CBL: variants seen among roughly 807,000 people sequenced by gnomAD.
The protein encoded by CBL is Cbl proto-oncogene.
Under a neutral mutation model 96.9 loss-of-function variants are expected in CBL, and 45 were observed. The observed-to-expected ratio is 0.46, with a 90% CI of 0.37 to 0.60. The LOEUF (loss-of-function observed/expected upper bound fraction) is 0.60, where lower values mean the gene tolerates loss of function less well. Ranked by LOEUF, CBL falls within the 20% of genes least tolerant of loss-of-function variation. CBL has a pLI of 0.00. For synonymous variants in CBL, 420 were observed against 426.8 expected, an observed-to-expected ratio of 0.98 and a Z score of 0.20; for missense variants, 1,024 against 1,143.5, an observed-to-expected ratio of 0.90 and a Z score of 1.51.
chr11:119,291,970 C>A (rs903656491), intron 12 of CBL, among the ~76,000 whole-genome samples: 1 of 152,120 alleles, frequency 6.6e-6, no homozygotes, highest in African/African-American at 2.4e-5. Flanking sequence ...AGTTCTCCCA[C>A]CTCAGCCAAG....
rs182249063 is a variant in CBL at position 119,245,844 on chromosome 11, G to A, written c.443+13149G>A. ...ATTTTTAAATTTTTTTGTGGAGATG[G>A]GATCTCACTATGTTGCCCGGGCTGG... is the stretch of plus-strand genomic sequence containing the variant. On this transcript the variant is annotated intron_variant, in intron 2 of 15. Transcript: ENST00000264033. Among the ~76,000 whole-genome samples the A allele has an allele frequency of 5.9e-3, 903 of 151,914 alleles. 11 individuals carry two copies. Among genetic ancestry groups the A allele is most frequent in the Non-Finnish European group, 5.5e-3 (373 of 67,964 alleles).
At chr11:119,222,857 CA>C (rs1322446257) in intron 1 of CBL, among the ~76,000 whole-genome samples, 1 of 151,586 alleles carries the variant, frequency 6.6e-6, no homozygotes, top group Non-Finnish European at 1.5e-5. Context: ...TTTTCCTTTC[CA>C]AAGAATATTA....
In CBL at chr11:119,287,182, G is replaced by A. The variant is rs970995669; in HGVS notation, c.1942-670G>A. Among the ~76,000 whole-genome samples, 7 of 152,330 alleles carry A rather than the reference G, an allele frequency of 4.6e-5. No individual in the cohort carries two copies. In the East Asian group the frequency reaches 5.8e-4, roughly 13 times the overall value. ...GAGTGGGCAGCCAGATGATTAGGTCGAAGCCTTTCGAGAGCATGAAATAAA... is the reference window on the plus strand; with the variant it reads ...GAGTGGGCAGCCAGATGATTAGGTCAAAGCCTTTCGAGAGCATGAAATAAA... On this transcript the variant is annotated intron_variant, in intron 11 of 15. Coordinates refer to ENST00000264033, the MANE Select transcript of CBL (RefSeq NM_005188.4).
chr11:119,285,668 G>T, intron 11 of CBL, 102 bp downstream of exon 11: 1 of 1,335,036 alleles, frequency 7.5e-7, no homozygotes, highest in Non-Finnish European at 1.0e-6. Flanking sequence ...GGCCAAGGTG[G>T]GTGGATCGCT....
Position 119,304,518 on chromosome 11 carries a change from A to T in CBL, c.*4737A>T, listed in dbSNP as rs1329515177. ...TGCACCTAGTCCTTTCTCCCGCTTC[A>T]CAGTCTGCTTATGGTATATGTGGCC... On this transcript the variant is annotated 3_prime_UTR_variant, in exon 16 of 16. Coordinates refer to ENST00000264033, the MANE Select transcript of CBL (RefSeq NM_005188.4). 1 of 233,002 alleles carries T rather than the reference A, an allele frequency of 4.3e-6. No homozygotes were observed. Among genetic ancestry groups the T allele is most frequent in the East Asian group, 6.0e-5 (1 of 16,578 alleles). The allele number at this position is 233,002 out of a possible 1,614,324, so 14.4% of individuals were successfully genotyped here.
intron 15 of CBL, 46 bp downstream of exon 15, chr11:119,298,586 C>T (rs923550234): frequency 1.3e-6 from 2 of 1,527,238 alleles, no homozygotes; most frequent in African/African-American, 2.7e-5. Context: ...GGCAGTGTGG[C>T]CTGTATGTTT....
chr11:119,263,529 T>C (rs1442557870), intron 2 of CBL, among the ~76,000 whole-genome samples: 4 of 152,224 alleles, frequency 2.6e-5, no homozygotes, highest in Non-Finnish European at 5.9e-5. Flanking sequence ...CTTGGGAATT[T>C]CAAAAGCAGG....
chr11:119,256,159 AGCCTC>A (rs1292270956), intron 2 of CBL, among the ~76,000 whole-genome samples: 8 of 151,260 alleles, frequency 5.3e-5, no homozygotes, highest in Non-Finnish European at 7.4e-5. Flanking sequence ...CTATATGTTA[AGCCTC>A]CATTCTACTT....
intron 1 of CBL, among the ~76,000 whole-genome samples, chr11:119,224,227 G>C (rs1949436695): frequency 6.6e-6 from 1 of 152,172 alleles, no homozygotes; most frequent in South Asian, 2.1e-4. Flanking sequence ...TACATTGTGA[G>C]GGCTGATACA....
chr11:119,206,626 T>C lies in CBL; in HGVS notation c.195+14T>C. 4 of 1,544,170 alleles carry C rather than the reference T, an allele frequency of 2.6e-6. No homozygotes were observed. Among genetic ancestry groups the C allele is most frequent in the Non-Finnish European group, 3.5e-6 (4 of 1,144,480 alleles). On this transcript the variant is annotated intron_variant, in intron 1 of 15. Transcript: ENST00000264033. ...CTCATGGACAAGGTGAAAGGCCGGC[T>C]GAGCGCCCGCTGTTGCAGGGTGGGC...
Position 119,306,207 on chromosome 11 carries a change from AGCTGTGTGGT to A in CBL, c.*6430_*6439del, listed in dbSNP as rs939262484. 4.3e-5 allele frequency: 17 copies of A among 398,452 alleles called. No homozygotes were observed. The highest frequency in any genetic ancestry group is 7.1e-5 in the Non-Finnish European group (16 of 226,080). 24.7% of individuals were successfully genotyped at this position (398,452 alleles called of 1,614,324 possible). A position where few individuals can be genotyped will look rare whatever the true frequency, so the allele number is the denominator to read the frequency against. Reference sequence around the variant, plus strand: ...GGGCCGGCTGTTGACAGACAGACTAAGCTGTGTGGTGCTCTTGCCGCCCCTTCCTGGGTAC... The same window carrying A: ...GGGCCGGCTGTTGACAGACAGACTAAGCTCTTGCCGCCCCTTCCTGGGTAC... On this transcript the variant is annotated 3_prime_UTR_variant, in exon 16 of 16. Transcript: ENST00000264033.
At chr11:119,276,579 A>G (rs1264179124) in intron 6 of CBL, among the ~76,000 whole-genome samples, 1 of 152,166 alleles carries the variant, frequency 6.6e-6, no homozygotes, top group Non-Finnish European at 1.5e-5. Flanking sequence ...GGCTACTGTA[A>G]CCTATGCTGC....
At chr11:119,266,003 A>G (rs1949800020) in intron 2 of CBL, among the ~76,000 whole-genome samples, 1 of 121,928 alleles carries the variant, frequency 8.2e-6, no homozygotes, top group Admixed American at 8.8e-5. Context: ...TGGGCGACAG[A>G]GCGAGACTCC....
intron 9 of CBL, among the ~76,000 whole-genome samples, chr11:119,283,838 C>T (rs899387659): frequency 6.6e-5 from 10 of 151,438 alleles, no homozygotes; most frequent in Admixed American, 6.6e-4. Context: ...GGGGTTTCAC[C>T]GTGTTAGCCA....
At chr11:119,250,378 G>A (rs1294850380) in intron 2 of CBL, among the ~76,000 whole-genome samples, 2 of 152,078 alleles carry the variant, frequency 1.3e-5, no homozygotes, top group African/African-American at 2.4e-5. Flanking sequence ...CTTAGCTGAA[G>A]ACTTAGAAGG....
chr11:119,291,857 T>G (rs1950029146), intron 12 of CBL, among the ~76,000 whole-genome samples: 1 of 152,170 alleles, frequency 6.6e-6, no homozygotes, highest in African/African-American at 2.4e-5. Flanking sequence ...CTTCATAAGT[T>G]TTCATACTTT....
chr11:119,238,449 A>C (rs1592380079), intron 2 of CBL, among the ~76,000 whole-genome samples: 1 of 151,478 alleles, frequency 6.6e-6, no homozygotes. Context: ...GCCTCATGTG[A>C]CCCGCCCGCC....
At position 119,277,715 on chromosome 11, in the gene CBL, A is replaced by G. The variant is rs984279249; in HGVS notation, c.1008-42A>G. ...TTTGTCTATATTAGCAAGCACTGGC[A>G]AATTGGCTTAAATAAAACCCAGGGT... On this transcript the variant is annotated intron_variant, in intron 6 of 15. Coordinates refer to ENST00000264033, the MANE Select transcript of CBL (RefSeq NM_005188.4). The G allele has an allele frequency of 3.6e-6, 5 of 1,396,980 alleles. No homozygotes were observed. The African/African-American group carries it at 7.1e-5, about 20-fold the overall frequency. 86.5% of individuals were successfully genotyped at this position (1,396,980 alleles called of 1,614,324 possible).
intron 1 of CBL, among the ~76,000 whole-genome samples, chr11:119,227,585 T>G (rs1396435041): frequency 6.6e-6 from 1 of 152,028 alleles, no homozygotes; most frequent in Admixed American, 6.6e-5. Context: ...AGTTTTGCTC[T>G]TGTTGCCCAG....
Sources: allele counts gnomAD v4.1 joint callset (sites outside exome capture counted in the v4.1 genomes callset), GRCh38; gene constraint gnomAD v4.1.1; transcripts MANE v1.5; gene names NCBI Gene and HGNC (gene_info 2026-07-23, HGNC 2026-07-21).